TARS3: variants seen among roughly 807,000 people sequenced by gnomAD.
TARS3 encodes the protein threonyl-tRNA synthetase 3, also known as threonine--tRNA ligase 2, cytoplasmic.
A neutral mutation model predicts 103.5 loss-of-function variants in TARS3; 94 were observed. The ratio of observed to expected loss-of-function variants is 0.91; its 90% CI spans 0.77 to 1.08. The LOEUF is 1.08. Ranked by LOEUF, TARS3 falls within the 50% of genes least tolerant of loss-of-function variation. TARS3 has a pLI of 0.00. For synonymous variants in TARS3, 416 were observed against 355.4 expected (o/e 1.17, Z -1.92); for missense variants, 952 against 995.2 (o/e 0.96, Z 0.58).
chr15:101,701,932 C>T (rs753789557), intron 9 of TARS3, among the ~76,000 whole-genome samples: 19 of 152,174 alleles, frequency 1.2e-4, no homozygotes, highest in Non-Finnish European at 2.1e-4. Flanking sequence ...CGTGCTGCCA[C>T]GCCTGGCTAA....
chr15:101,703,839 A>T lies in TARS3; in HGVS notation c.1074+20T>A. Reference sequence around the variant, plus strand: ...TAGTGCACCTTAAGTTTACTGTATTAAAAAAAAATCAATCCTTACCTTAAA... The same window carrying T: ...TAGTGCACCTTAAGTTTACTGTATTTAAAAAAAATCAATCCTTACCTTAAA... On this transcript the variant is annotated intron_variant, in intron 8 of 18. Transcript: ENST00000335968. The T allele has an allele frequency of 6.9e-7, 1 of 1,440,686 alleles. No homozygotes were observed. Among genetic ancestry groups the T allele is most frequent in the Non-Finnish European group, 9.7e-7 (1 of 1,033,336 alleles). 89.2% of individuals were successfully genotyped at this position (1,440,686 alleles called of 1,614,324 possible).
intron 15 of TARS3, among the ~76,000 whole-genome samples, chr15:101,664,774 GACAA>G (rs1404731985): frequency 1.3e-5 from 2 of 152,114 alleles, no homozygotes; most frequent in African/African-American, 2.4e-5. Flanking sequence ...GAGAAGAAAA[GACAA>G]ACAACAGTCC....
At chr15:101,722,874 G>A (rs1459869614) in intron 2 of TARS3, among the ~76,000 whole-genome samples, 1 of 151,686 alleles carries the variant, frequency 6.6e-6, no homozygotes, top group African/African-American at 2.4e-5. Context: ...TACTCTAGTA[G>A]CACAACTTAA....
rs1017442175 is a variant in TARS3 at position 101,723,161 on chromosome 15, G to A, written c.301C>T (p.Pro101Ser). ...EAAQEAGAQPPPSQSQDKDMK... is the reference protein window; with the variant it reads ...EAAQEAGAQPSPSQSQDKDMK... ...TCCTTGTCTTGGCTTTGACTAGGAGGAGGCTGAAAGATAAATTATAAATGA... is the reference window on the plus strand; with the variant it reads ...TCCTTGTCTTGGCTTTGACTAGGAGAAGGCTGAAAGATAAATTATAAATGA... Residue 101 changes from proline to serine, a missense_variant, in exon 2 of 19, where the codon CCT becomes TCT. Pro to Ser is a moderately conservative substitution (Grantham distance 74). This residue lies in a region of TARS3 where 412 missense variants were observed against 364.2 expected (regional missense o/e 1.13). Transcript: ENST00000335968. 1 of 1,613,514 alleles carries A rather than the reference G, an allele frequency of 6.2e-7. No homozygotes were observed. The highest frequency in any genetic ancestry group is 8.5e-7 in the Non-Finnish European group (1 of 1,179,574).
chr15:101,699,114 G>A (rs1461144268), intron 10 of TARS3, among the ~76,000 whole-genome samples: 1 of 152,072 alleles, frequency 6.6e-6, no homozygotes, highest in East Asian at 1.9e-4. Flanking sequence ...GTAATACTTG[G>A]CATCTAACAA....
At chr15:101,671,374 G>T in intron 15 of TARS3, 112 bp downstream of exon 15, 1 of 775,690 alleles carries the variant, frequency 1.3e-6, no homozygotes, top group Non-Finnish European at 2.1e-6. Context: ...TATATTGCGT[G>T]TATAGCACAT....
intron 15 of TARS3, among the ~76,000 whole-genome samples, chr15:101,667,781 C>A (rs1897640318): frequency 6.6e-6 from 1 of 152,014 alleles, no homozygotes; most frequent in Admixed American, 6.6e-5. Flanking sequence ...GACGGGGTTT[C>A]ACCAACCATA....
chr15:101,720,209 T>C (rs1426002059), intron 3 of TARS3, among the ~76,000 whole-genome samples: 1 of 152,224 alleles, frequency 6.6e-6, no homozygotes, highest in East Asian at 1.9e-4. Flanking sequence ...GAATTTCAGT[T>C]GTTGAAACAG....
chr15:101,682,855 A>G (rs1307191044), intron 12 of TARS3, among the ~76,000 whole-genome samples: 1 of 152,156 alleles, frequency 6.6e-6, no homozygotes, highest in Admixed American at 6.5e-5. Flanking sequence ...TTCTTGAGTA[A>G]AGTTTAATAG....
At chr15:101,721,901 A>G (rs1290283008) in intron 2 of TARS3, among the ~76,000 whole-genome samples, 1 of 152,198 alleles carries the variant, frequency 6.6e-6, no homozygotes, top group East Asian at 1.9e-4. Context: ...GTATTCAATA[A>G]ATTACATGAG....
At chr15:101,679,169 G>A (rs540124516) in intron 12 of TARS3, among the ~76,000 whole-genome samples, 1 of 152,234 alleles carries the variant, frequency 6.6e-6, no homozygotes, top group African/African-American at 2.4e-5. Context: ...ATCTGTAGAT[G>A]TCTTTTGCCA....
At chr15:101,664,108 T>C (rs574962241) in intron 15 of TARS3, 1 of 152,328 alleles carries the variant, frequency 6.6e-6, no homozygotes, top group Admixed American at 6.5e-5. Flanking sequence ...CAAAATACAC[T>C]TCCAGTACCC....
In TARS3 at chr15:101,720,020, C is replaced by T. The variant is rs145261202; in HGVS notation, c.566+1106G>A. Among the ~76,000 whole-genome samples the T allele has an allele frequency of 4.2e-3, 633 of 152,370 alleles. 4 individuals carry two copies. The highest frequency in any genetic ancestry group is 0.024 in the Middle Eastern group (7 of 294). On this transcript the variant is annotated intron_variant, in intron 3 of 18. Coordinates refer to ENST00000335968, the MANE Select transcript of TARS3 (RefSeq NM_152334.3). ...CACTTTGAGAAATACTGACCCAACA[C>T]ATTTAACATGCAACCTGACTCTCCA...
intron 10 of TARS3, among the ~76,000 whole-genome samples, chr15:101,691,144 T>C (rs1458132733): frequency 6.6e-6 from 1 of 151,662 alleles, no homozygotes; most frequent in African/African-American, 2.4e-5. Flanking sequence ...TTTCACCGTA[T>C]TAGCCAGGAT....
chr15:101,703,790 A>G, intron 8 of TARS3, 69 bp downstream of exon 8: 1 of 904,920 alleles, frequency 1.1e-6, no homozygotes, highest in South Asian at 1.4e-5. Context: ...ATTGAATAAG[A>G]TATGATTAAA....
chr15:101,688,946 T>G (rs1351679150), intron 10 of TARS3, among the ~76,000 whole-genome samples: 1 of 152,164 alleles, frequency 6.6e-6, no homozygotes, highest in Non-Finnish European at 1.5e-5. Context: ...GTCTGTGGCT[T>G]TTTTCTCTCT....
intron 3 of TARS3, among the ~76,000 whole-genome samples, chr15:101,718,780 G>A (rs971196920): frequency 6.6e-6 from 1 of 152,180 alleles, no homozygotes; most frequent in Non-Finnish European, 1.5e-5. Context: ...TTCTTTAAGT[G>A]AGATTACTTT....
Position 101,701,096 on chromosome 15 carries a change from T to A in TARS3, c.1310A>T (p.Asp437Val). The A allele has an allele frequency of 6.4e-7, 1 of 1,550,746 alleles. No homozygotes were observed. Among genetic ancestry groups the A allele is most frequent in the Non-Finnish European group, 8.7e-7 (1 of 1,152,836 alleles). The change falls in exon 10 of 19, where the codon GAT becomes GTT. Residue 437 changes from aspartate to valine, a missense_variant. Asp to Val is a radical substitution (Grantham distance 152). This residue lies in a region of TARS3 where 540 missense variants were observed against 631.0 expected (regional missense o/e 0.86). Coordinates refer to ENST00000335968, the MANE Select transcript of TARS3 (RefSeq NM_152334.3). ...RGAFIYNTLT[D>V]FIREEYHKRD... ...TTAAAGTTAACTTACTCGTATGAAA[T>A]CTGTAAGCGTATTATAAATGAAGGC...
chr15:101,704,227 C>T (rs1027086569), intron 7 of TARS3, among the ~76,000 whole-genome samples: 1 of 152,168 alleles, frequency 6.6e-6, no homozygotes. Context: ...GAGTGGCAAA[C>T]ACGAAAATGT....
Sources: gnomAD v4.1 joint callset for allele counts (sites outside exome capture counted in the v4.1 genomes callset) on GRCh38, gnomAD v4.1.1 for gene constraint, gnomAD v4.1.1 regional missense constraint, MANE v1.5 for transcripts, NCBI Gene and HGNC (gene_info 2026-07-23, HGNC 2026-07-21) for gene names.